The following TNR variants were observed in gnomAD, a reference collection of about 807,000 sequenced individuals.
TNR encodes the protein tenascin R.
TNR carries 45 observed loss-of-function variants against 150.4 expected under a neutral mutation model. The ratio of observed to expected loss-of-function variants is 0.30; its 90% CI spans 0.24 to 0.38. The LOEUF is 0.38. TNR is among the 10% of genes least tolerant of loss of function. The pLI is 1.00. For synonymous variants in TNR, 687 were observed against 678.4 expected, an observed-to-expected ratio of 1.01 and a Z score of -0.20; for missense variants, 1,544 against 1,759.1, an observed-to-expected ratio of 0.88 and a Z score of 2.19.
intron 2 of TNR, among the ~76,000 whole-genome samples, chr1:175,409,531 T>C (rs1654113770): frequency 6.6e-6 from 1 of 152,150 alleles, no homozygotes; most frequent in African/African-American, 2.4e-5. Flanking sequence ...TTGCTATGAG[T>C]TGGTCAACGG....
Position 175,410,253 on chromosome 1 carries a change from G to A in TNR, c.-63-3476C>T, listed in dbSNP as rs111862314. Among the ~76,000 whole-genome samples, 480 of 152,282 alleles carry A rather than the reference G, an allele frequency of 3.2e-3. 8 individuals carry two copies. The highest frequency in any genetic ancestry group is 0.011 in the African/African-American group (461 of 41,550). On this transcript the variant is annotated intron_variant, in intron 2 of 22. Transcript: ENST00000367674. Reference sequence around the variant, plus strand: ...GGGGAGATAAGGTCAGAGAAGTAGTGGGGGCCAGGTCATGCCCAGCCTTGT... The same window carrying A: ...GGGGAGATAAGGTCAGAGAAGTAGTAGGGGCCAGGTCATGCCCAGCCTTGT...
At chr1:175,353,854 T>TATTTA (rs201750820) in intron 18 of TNR, among the ~76,000 whole-genome samples, 1 of 151,080 alleles carries the variant, frequency 6.6e-6, no homozygotes, top group African/African-American at 2.4e-5. Context: ...TTTATTTATT[T>TATTTA]TTTTTTTTTG....
intron 2 of TNR, among the ~76,000 whole-genome samples, chr1:175,481,307 T>C (rs1657800706): frequency 6.6e-6 from 1 of 152,210 alleles, no homozygotes; most frequent in African/African-American, 2.4e-5. Context: ...CTATGTCTGG[T>C]CGGTAGAGGC....
rs951972767 is a variant in TNR at position 175,680,603 on chromosome 1, C to T, written c.-165+62623G>A. On this transcript the variant is annotated intron_variant, in intron 1 of 22. Coordinates refer to ENST00000367674, the MANE Select transcript of TNR (RefSeq NM_003285.3). ...GAGGCAGACAGCTTGAAGTGAAGCA[C>T]GAAGGCTGGGGAAATGCAAGAGAGA... 3.9e-5 allele frequency among the ~76,000 whole-genome samples: 6 copies of T among 152,034 alleles called. No individual in the cohort carries two copies. In the South Asian group the frequency reaches 6.2e-4, roughly 16 times the overall value.
At chr1:175,473,219 C>T (rs1453403365) in intron 2 of TNR, among the ~76,000 whole-genome samples, 2 of 152,160 alleles carry the variant, frequency 1.3e-5, no homozygotes, top group Non-Finnish European at 2.9e-5. Flanking sequence ...GGCACAAGAT[C>T]TCTTCATACA....
At chr1:175,456,197 G>C (rs1656565123) in intron 2 of TNR, among the ~76,000 whole-genome samples, 1 of 152,124 alleles carries the variant, frequency 6.6e-6, no homozygotes, top group African/African-American at 2.4e-5. Context: ...CCTCTGCCTA[G>C]GGTGCTCTTG....
intron 1 of TNR, among the ~76,000 whole-genome samples, chr1:175,672,049 A>G (rs1348103622): frequency 6.6e-6 from 1 of 152,146 alleles, no homozygotes; most frequent in Non-Finnish European, 1.5e-5. Context: ...AAATATTTGA[A>G]TAAAGAGATG....
At chr1:175,671,398 C>G (rs560244860) in intron 1 of TNR, among the ~76,000 whole-genome samples, 1 of 152,228 alleles carries the variant, frequency 6.6e-6, no homozygotes, top group Non-Finnish European at 1.5e-5. Context: ...GAGCACTGAT[C>G]ATCCAAGAGT....
intron 4 of TNR, among the ~76,000 whole-genome samples, chr1:175,397,797 C>G (rs1258554521): frequency 2.0e-5 from 3 of 152,148 alleles, no homozygotes; most frequent in Non-Finnish European, 2.9e-5. Flanking sequence ...GGGTAAAACA[C>G]AGAGAAATAG....
intron 2 of TNR, among the ~76,000 whole-genome samples, chr1:175,441,057 T>A (rs1655766175): frequency 6.6e-6 from 1 of 152,112 alleles, no homozygotes; most frequent in Non-Finnish European, 1.5e-5. Context: ...CTCAAAGAAA[T>A]AAGAAGCCAG....
intron 12 of TNR, 22 bp from the exon 13 acceptor site, chr1:175,363,849 G>A (rs752502511): frequency 1.3e-6 from 2 of 1,595,678 alleles, no homozygotes; most frequent in East Asian, 4.5e-5. Context: ...CAGTGATTGT[G>A]GGAAAAAGAC....
intron 9 of TNR, among the ~76,000 whole-genome samples, chr1:175,368,327 T>TC (rs1375430853): frequency 1.3e-5 from 2 of 152,200 alleles, no homozygotes; most frequent in Non-Finnish European, 2.9e-5. Flanking sequence ...ATTCTTTGGT[T>TC]CATGGTCTCT....
chr1:175,603,040 C>T (rs1004974036), intron 1 of TNR, among the ~76,000 whole-genome samples: 7 of 152,066 alleles, frequency 4.6e-5, no homozygotes, highest in Non-Finnish European at 8.8e-5. Context: ...GTGAAAATTA[C>T]GTGTGCTAGT....
chr1:175,631,812 A>G (rs1664336785), intron 1 of TNR, among the ~76,000 whole-genome samples: 1 of 152,212 alleles, frequency 6.6e-6, no homozygotes, highest in South Asian at 2.1e-4. Context: ...TTCTCAGTCA[A>G]GAGGAATTGG....
intron 21 of TNR, among the ~76,000 whole-genome samples, chr1:175,327,451 G>A (rs1285270593): frequency 6.6e-6 from 1 of 152,154 alleles, no homozygotes; most frequent in East Asian, 1.9e-4. Flanking sequence ...TTCTTCGCTC[G>A]GACTTACTTT....
Position 175,403,435 on chromosome 1 carries a change from C to T in TNR, c.681G>A (p.Gly227=), listed in dbSNP as rs1240202410. The T allele has an allele frequency of 1.2e-6, 2 of 1,614,072 alleles. No individual in the cohort carries two copies. Among genetic ancestry groups the T allele is most frequent in the African/African-American group, 1.3e-5 (1 of 74,922 alleles). The part of the protein sequence containing the change: ...GQCICDSEYS[G]DDCSELRCPT... Reference sequence around the variant, plus strand: ...GGCACCGGAGTTCGGAACAGTCATCCCCGCTGTACTCGCTGTCACAGATGC... The same window carrying T: ...GGCACCGGAGTTCGGAACAGTCATCTCCGCTGTACTCGCTGTCACAGATGC... The change falls in exon 4 of 23, where the codon GGG becomes GGA. Residue 227 remains glycine (G), a synonymous_variant. Coordinates refer to ENST00000367674, the MANE Select transcript of TNR (RefSeq NM_003285.3).
intron 2 of TNR, among the ~76,000 whole-genome samples, chr1:175,499,725 G>T (rs535966076): frequency 1.3e-5 from 2 of 152,288 alleles, no homozygotes; most frequent in African/African-American, 2.4e-5. Context: ...CAGTGTCCTG[G>T]CTCATGTGCC....
intron 2 of TNR, among the ~76,000 whole-genome samples, chr1:175,484,759 T>C (rs762584099): frequency 1.3e-5 from 2 of 152,184 alleles, no homozygotes; most frequent in African/African-American, 2.4e-5. Context: ...AAGAAAGGAA[T>C]AAAGATGCAG....
intron 18 of TNR, among the ~76,000 whole-genome samples, chr1:175,342,033 T>G (rs1193072719): frequency 6.6e-6 from 1 of 152,356 alleles, no homozygotes; most frequent in East Asian, 1.9e-4. Flanking sequence ...CTGTTTATAC[T>G]CTTACTAATT....
Sources: gnomAD v4.1 joint callset for allele counts (sites outside exome capture counted in the v4.1 genomes callset) on GRCh38, gnomAD v4.1.1 for gene constraint, MANE v1.5 for transcripts, NCBI Gene and HGNC (gene_info 2026-07-23, HGNC 2026-07-21) for gene names.